The following GTF3C5 variants were observed in gnomAD, a reference collection of about 807,000 sequenced individuals.
GTF3C5 encodes the protein general transcription factor 3C polypeptide 5.
GTF3C5 carries 47 observed loss-of-function variants against 61.0 expected under a neutral mutation model. That is an observed-to-expected ratio of 0.77 (90% confidence interval 0.61 to 0.98). GTF3C5 has a LOEUF of 0.98. Among genes scored for constraint, GTF3C5 ranks in the 50% least tolerant of loss-of-function variants. The probability of loss-of-function intolerance (pLI) is 0.00; values close to 1 mark genes in which losing one functional copy is unlikely to be tolerated. For synonymous variants in GTF3C5, 295 were observed against 275.4 expected, an observed-to-expected ratio of 1.07 and a Z score of -0.71; for missense variants, 659 against 703.3, an observed-to-expected ratio of 0.94 and a Z score of 0.71.
chr9:133,055,272 T>G lies in GTF3C5; in HGVS notation c.1167+463T>G, dbSNP rs1310535777. On this transcript the variant is annotated intron_variant, in intron 8 of 10. Coordinates refer to ENST00000372097, the MANE Select transcript of GTF3C5 (RefSeq NM_012087.4). ...GGCGGTTTCCAGAGCTGTTCCCACA[T>G]TCAGGCTCCCGCAAGCCGCTCCACA... 2.1e-6 allele frequency: 3 copies of G among 1,439,798 alleles called. No individual in the cohort carries two copies. In the African/African-American group the frequency reaches 4.2e-5, roughly 20 times the overall value. 89.2% of individuals were successfully genotyped at this position (1,439,798 alleles called of 1,614,324 possible). A position where few individuals can be genotyped will look rare whatever the true frequency, so the allele number is the denominator to read the frequency against.
intron 1 of GTF3C5, among the ~76,000 whole-genome samples, chr9:133,041,442 A>G (rs1057221055): frequency 1.3e-5 from 2 of 152,050 alleles, no homozygotes; most frequent in Non-Finnish European, 2.9e-5. Flanking sequence ...ATGCAGAAGT[A>G]ATGGCATAAG....
In GTF3C5 at chr9:133,053,983, C is replaced by A. The variant is rs57690913; in HGVS notation, c.988+41C>A. The A allele has an allele frequency of 7.0e-3, 8,278 of 1,187,080 alleles. 282 individuals are homozygous for A. The African/African-American group carries it at 0.085, about 12-fold the overall frequency. 73.5% of individuals were successfully genotyped at this position (1,187,080 alleles called of 1,614,324 possible). A position where few individuals can be genotyped will look rare whatever the true frequency, so the allele number is the denominator to read the frequency against. On this transcript the variant is annotated intron_variant, in intron 6 of 10. Coordinates refer to ENST00000372097, the MANE Select transcript of GTF3C5 (RefSeq NM_012087.4). ...AGCTTTGCTTCCTGCCTTTCTCTCT[C>A]TTTATCTTTCAGTTTCTAGCATTCT...
chr9:133,050,625 C>G (rs928048059), intron 3 of GTF3C5, among the ~76,000 whole-genome samples, 158 bp from the exon 4 acceptor site: 2 of 152,220 alleles, frequency 1.3e-5, no homozygotes, highest in African/African-American at 4.8e-5. Flanking sequence ...GTTCCTTTAG[C>G]AGCCAACTCT....
At chr9:133,042,361 C>A in intron 2 of GTF3C5, 55 bp downstream of exon 2, 2 of 1,187,684 alleles carry the variant, frequency 1.7e-6, no homozygotes, top group Non-Finnish European at 2.5e-6. Context: ...GCCATCCTAG[C>A]TGCCTGCAGG....
intron 4 of GTF3C5, 102 bp from the exon 5 acceptor site, chr9:133,051,958 C>T: frequency 1.7e-6 from 1 of 601,980 alleles, no homozygotes; most frequent in Non-Finnish European, 3.0e-6. Flanking sequence ...CTACCAGCTC[C>T]TCTCTGGAGG....
At chr9:133,054,093 C>T (rs1389030372) in intron 6 of GTF3C5, 151 bp downstream of exon 6, 18 of 653,138 alleles carry the variant, frequency 2.8e-5, no homozygotes, top group Non-Finnish European at 4.5e-5. Context: ...TGCAGAATGG[C>T]GTGGAAACGA....
chr9:133,053,335 G>A (rs976525501), intron 5 of GTF3C5, among the ~76,000 whole-genome samples: 11 of 152,140 alleles, frequency 7.2e-5, no homozygotes, highest in Admixed American at 2.0e-4. Context: ...CTAGAATCCC[G>A]GTACTTCGGG....
chr9:133,056,214 C>G, intron 9 of GTF3C5, 120 bp downstream of exon 9: 1 of 800,356 alleles, frequency 1.2e-6, no homozygotes, highest in East Asian at 2.7e-5. Flanking sequence ...ACTCGCCTGT[C>G]TGGGAGTTTG....
At chr9:133,056,695 A>T (rs1829948725) in intron 9 of GTF3C5, 71 bp from the exon 10 acceptor site, 1 of 1,448,608 alleles carries the variant, frequency 6.9e-7, no homozygotes, top group Non-Finnish European at 9.3e-7. Flanking sequence ...CTCTGGCAAA[A>T]ACCAACACTG....
At chr9:133,054,563 G>A in intron 7 of GTF3C5, 75 bp downstream of exon 7, 4 of 1,489,540 alleles carry the variant, frequency 2.7e-6, no homozygotes, top group Non-Finnish European at 3.7e-6. Context: ...CCCAGACGGG[G>A]AGGTGGTTCC....
rs1031991169 is a variant in GTF3C5, at chr9:133,042,245, C to T, written c.312C>T (p.His104=). The T allele has an allele frequency of 1.2e-6, 2 of 1,613,778 alleles. No individual in the cohort carries two copies. Among genetic ancestry groups the T allele is most frequent in the Non-Finnish European group, 1.7e-6 (2 of 1,179,604 alleles). Reference sequence around the variant, plus strand: ...AAGGGGTGCTGGGCACTGAGGCCCACTCCGAGGTCACATTTGACATGGAGA... The same window carrying T: ...AAGGGGTGCTGGGCACTGAGGCCCATTCCGAGGTCACATTTGACATGGAGA... ...RQKGVLGTEA[H]SEVTFDMEIL... The change falls in exon 2 of 11, where the codon CAC becomes CAT. Residue 104 remains histidine, a synonymous_variant. Transcript: ENST00000372097.
At chr9:133,050,272 A>G (rs920625799) in intron 3 of GTF3C5, among the ~76,000 whole-genome samples, 3 of 152,162 alleles carry the variant, frequency 2.0e-5, no homozygotes, top group African/African-American at 7.2e-5. Flanking sequence ...CTGTAGGATT[A>G]GTTTGAGCGT....
intron 2 of GTF3C5, among the ~76,000 whole-genome samples, chr9:133,043,052 A>G (rs1850085642): frequency 6.6e-6 from 1 of 152,222 alleles, no homozygotes; most frequent in Non-Finnish European, 1.5e-5. Flanking sequence ...CTGCAGTTCT[A>G]GGCAGAATCT....
intron 1 of GTF3C5, among the ~76,000 whole-genome samples, chr9:133,040,363 C>T (rs780354045): frequency 7.6e-4 from 116 of 152,336 alleles, no homozygotes; most frequent in Non-Finnish European, 1.6e-3. Context: ...TCCCAGTTCA[C>T]GTTGTTGGTG....
intron 8 of GTF3C5, chr9:133,055,348 T>C (rs645841): frequency 0.43 from 568,998 of 1,334,942 alleles, 124,130 homozygotes; most frequent in African/African-American, 0.48. Flanking sequence ...AATCACCTGC[T>C]GAGGGAGTGG....
At position 133,042,157 on chromosome 9, in the gene GTF3C5, G is replaced by A. The variant is rs1233622195; in HGVS notation, c.224G>A (p.Cys75Tyr). The A allele has an allele frequency of 3.7e-6, 6 of 1,614,016 alleles. No homozygotes were observed. The highest frequency in any genetic ancestry group is 4.2e-6 in the Non-Finnish European group (5 of 1,180,014). The part of the protein sequence containing the change: ...RPKDPYCHPV[C>Y]ANRFSTSSLL... ...AAGGACCCATACTGCCACCCAGTGT[G>A]CGCCAACCGCTTCAGTACCAGCAGC... The change falls in exon 2 of 11, where the codon TGC (cysteine) becomes TAC (tyrosine). Residue 75 changes from cysteine (C) to tyrosine (Y), a missense_variant. Transcript: ENST00000372097.
chr9:133,036,856 A>T (rs1588462917), intron 1 of GTF3C5, among the ~76,000 whole-genome samples: 1 of 152,164 alleles, frequency 6.6e-6, no homozygotes, highest in East Asian at 1.9e-4. Flanking sequence ...TGTCCTTCGT[A>T]TCAAGTGTCC....
intron 3 of GTF3C5, among the ~76,000 whole-genome samples, chr9:133,044,716 A>G (rs2119001467): frequency 6.6e-6 from 1 of 152,016 alleles, no homozygotes; most frequent in East Asian, 1.9e-4. Flanking sequence ...CATCCTTCTC[A>G]AGGCATCTGT....
intron 3 of GTF3C5, 103 bp from the exon 4 acceptor site, chr9:133,050,680 G>A (rs1850343323): frequency 1.3e-6 from 1 of 771,754 alleles, no homozygotes; most frequent in Non-Finnish European, 2.2e-6. Context: ...GCACACGGTG[G>A]CTGTGGGCCT....
Sources: allele counts gnomAD v4.1 joint callset (sites outside exome capture counted in the v4.1 genomes callset), GRCh38; gene constraint gnomAD v4.1.1; transcripts MANE v1.5; gene names NCBI Gene and HGNC (gene_info 2026-07-23, HGNC 2026-07-21).